RAD51B: variants seen among roughly 807,000 people sequenced by gnomAD.
RAD51B encodes the protein DNA repair protein RAD51 homolog 2.
A neutral mutation model predicts 42.2 loss-of-function variants in RAD51B; 38 were observed. That is an observed-to-expected ratio of 0.90 (90% CI 0.70 to 1.18). The LOEUF (loss-of-function observed/expected upper bound fraction) is 1.18, where lower values mean the gene tolerates loss of function less well. RAD51B is among the 50% of genes most tolerant of loss of function. The pLI is 0.00. For missense variants in RAD51B, 373 were observed against 400.7 expected, an observed-to-expected ratio of 0.93 and a Z score of 0.59; for synonymous variants, 154 against 145.2, an observed-to-expected ratio of 1.06 and a Z score of -0.43.
chr14:68,038,488 A>ATCT (rs2076168189), intron 7 of RAD51B, among the ~76,000 whole-genome samples: 1 of 152,074 alleles, frequency 6.6e-6, no homozygotes, highest in Non-Finnish European at 1.5e-5. Context: ...GATTTTGTAA[A>ATCT]GCCTGAAGGG....
chr14:68,072,147 T>A lies in RAD51B; in HGVS notation c.756+184943T>A, dbSNP rs1008318535. Among the ~76,000 whole-genome samples the A allele has an allele frequency of 4.6e-3, 604 of 131,580 alleles. 11 individuals are homozygous for A. Among genetic ancestry groups the A allele is most frequent in the African/African-American group, 0.017 (572 of 33,986 alleles). 86.3% of individuals were successfully genotyped at this position (131,580 alleles called of 152,430 possible). On this transcript the variant is annotated intron_variant, in intron 7 of 10. Transcript: ENST00000471583. ...AATATATATATAATTATATATATATTTTATATATATTTTTTTCTAGGTTTT... is the reference window on the plus strand; with the variant it reads ...AATATATATATAATTATATATATATATTATATATATTTTTTTCTAGGTTTT...
intron 4 of RAD51B, among the ~76,000 whole-genome samples, chr14:67,850,424 G>A (rs142734602): frequency 6.6e-5 from 10 of 152,190 alleles, no homozygotes; most frequent in Non-Finnish European, 7.4e-5. Context: ...AGTATGTCGA[G>A]TAGGGTCTTT....
At chr14:68,592,586 G>A (rs1294951804) in intron 10 of RAD51B, among the ~76,000 whole-genome samples, 1 of 152,176 alleles carries the variant, frequency 6.6e-6, no homozygotes, top group Non-Finnish European at 1.5e-5. Flanking sequence ...GCAGGGCCAG[G>A]ATTAGAATGC....
chr14:68,402,262 C>A (rs2084126766), intron 8 of RAD51B, among the ~76,000 whole-genome samples: 1 of 152,162 alleles, frequency 6.6e-6, no homozygotes, highest in Non-Finnish European at 1.5e-5. Context: ...ACTTACTCAT[C>A]CTCTTCGCCT....
intron 7 of RAD51B, among the ~76,000 whole-genome samples, chr14:68,097,991 C>T (rs899318479): frequency 2.6e-5 from 4 of 152,204 alleles, no homozygotes; most frequent in Non-Finnish European, 5.9e-5. Context: ...CTCACTGAAG[C>T]TTTACCTGGA....
At chr14:68,423,201 G>A (rs1038005403) in intron 9 of RAD51B, among the ~76,000 whole-genome samples, 7 of 152,160 alleles carry the variant, frequency 4.6e-5, no homozygotes, top group African/African-American at 7.2e-5. Flanking sequence ...TATGATCTGT[G>A]ATTCTCTAAC....
intron 7 of RAD51B, among the ~76,000 whole-genome samples, chr14:68,186,154 A>G (rs1321976938): frequency 5.3e-5 from 8 of 152,230 alleles, no homozygotes; most frequent in Admixed American, 3.9e-4. Context: ...GTTGTTGGCT[A>G]GCCATATGCA....
chr14:68,061,162 G>A (rs893343214), intron 7 of RAD51B, among the ~76,000 whole-genome samples: 4 of 146,940 alleles, frequency 2.7e-5, no homozygotes, highest in Admixed American at 7.0e-5. Flanking sequence ...TCTGCCTCCC[G>A]GGTTTGAGTG....
chr14:68,220,779 CA>C (rs1390054353), intron 7 of RAD51B, among the ~76,000 whole-genome samples: 1 of 152,144 alleles, frequency 6.6e-6, no homozygotes, highest in Non-Finnish European at 1.5e-5. Flanking sequence ...ACAAAATTAA[CA>C]TACACAAATC....
chr14:68,201,511 C>T (rs917052177), intron 7 of RAD51B, among the ~76,000 whole-genome samples: 1 of 152,166 alleles, frequency 6.6e-6, no homozygotes, highest in African/African-American at 2.4e-5. Context: ...AAAAACTTTC[C>T]CAGGGAATAC....
chr14:68,262,471 A>G (rs2080909448), intron 7 of RAD51B, among the ~76,000 whole-genome samples: 1 of 152,186 alleles, frequency 6.6e-6, no homozygotes, highest in Admixed American at 6.5e-5. Flanking sequence ...AAAGAAAGGT[A>G]AACAACACAT....
intron 9 of RAD51B, among the ~76,000 whole-genome samples, chr14:68,415,189 T>C (rs1220458461): frequency 6.6e-6 from 1 of 152,100 alleles, no homozygotes; most frequent in East Asian, 1.9e-4. Context: ...TTTATTTTAT[T>C]TGTAAAGCTC....
intron 8 of RAD51B, among the ~76,000 whole-genome samples, chr14:68,405,124 A>G (rs1401092035): frequency 6.6e-6 from 1 of 152,192 alleles, no homozygotes; most frequent in Admixed American, 6.5e-5. Flanking sequence ...GGATGTTAAT[A>G]TTACTCACTT....
At chr14:67,849,034 T>A (rs1206832900) in intron 4 of RAD51B, among the ~76,000 whole-genome samples, 1 of 152,228 alleles carries the variant, frequency 6.6e-6, no homozygotes, top group Non-Finnish European at 1.5e-5. Flanking sequence ...TGCATTGACC[T>A]CGTTGAATGT....
chr14:68,196,310 T>G (rs76529005), intron 7 of RAD51B, among the ~76,000 whole-genome samples: 4,323 of 152,294 alleles, frequency 0.028, 229 homozygotes, highest in African/African-American at 0.1. Flanking sequence ...TAAACACAGG[T>G]TGTTTAAAGC....
intron 7 of RAD51B, among the ~76,000 whole-genome samples, chr14:68,178,360 A>G (rs543472703): frequency 8.1e-4 from 124 of 152,252 alleles, no homozygotes; most frequent in African/African-American, 2.9e-3. Flanking sequence ...CCCACTTTAC[A>G]GTGTGTTATG....
intron 8 of RAD51B, among the ~76,000 whole-genome samples, chr14:68,411,028 G>A (rs1456194200): frequency 6.6e-6 from 1 of 152,104 alleles, no homozygotes; most frequent in Non-Finnish European, 1.5e-5. Context: ...CTCTTGTCTA[G>A]CTAAAAATGT....
intron 7 of RAD51B, among the ~76,000 whole-genome samples, chr14:68,209,680 A>T (rs1215136427): frequency 6.6e-6 from 1 of 152,160 alleles, no homozygotes. Flanking sequence ...CCACTTAGGG[A>T]TCTCCTGCCC....
chr14:68,062,093 A>G (rs989316308), intron 7 of RAD51B, among the ~76,000 whole-genome samples: 4 of 152,152 alleles, frequency 2.6e-5, no homozygotes, highest in Non-Finnish European at 5.9e-5. Flanking sequence ...ATTCATTGAC[A>G]GTTTTTACTA....
Sources: gnomAD v4.1 joint callset for allele counts (sites outside exome capture counted in the v4.1 genomes callset) on GRCh38, gnomAD v4.1.1 for gene constraint, MANE v1.5 for transcripts, NCBI Gene and HGNC (gene_info 2026-07-23, HGNC 2026-07-21) for gene names.